MYCBP2: variants seen among roughly 807,000 people sequenced by gnomAD.
The protein encoded by MYCBP2 is E3 ubiquitin-protein ligase MYCBP2.
A neutral mutation model predicts 525.3 loss-of-function variants in MYCBP2; 120 were observed. The observed-to-expected ratio is 0.23, with a 90% confidence interval of 0.20 to 0.27. The LOEUF (loss-of-function observed/expected upper bound fraction) is 0.27, where lower values mean the gene tolerates loss of function less well. Among genes scored for constraint, MYCBP2 ranks in the 10% least tolerant of loss-of-function variants. MYCBP2 has a pLI of 1.00. For synonymous variants in MYCBP2, 1,894 were observed against 1,955.8 expected (o/e 0.97, Z 0.83); for missense variants, 4,149 against 5,657.1 (o/e 0.73, Z 8.55).
chr13:77,254,631 A>G (rs1286497994), intron 14 of MYCBP2, among the ~76,000 whole-genome samples: 2 of 151,826 alleles, frequency 1.3e-5, no homozygotes, highest in Admixed American at 6.6e-5. Flanking sequence ...TCTCTCTTCT[A>G]GCTATTTTGA....
At chr13:77,284,488 A>C (rs2076532130) in intron 3 of MYCBP2, among the ~76,000 whole-genome samples, 1 of 152,176 alleles carries the variant, frequency 6.6e-6, no homozygotes, top group Non-Finnish European at 1.5e-5. Context: ...ATGTCATGGA[A>C]ATGGCTGCCA....
In MYCBP2 at chr13:77,270,444, T is replaced by C; in HGVS notation, c.1040A>G (p.Lys347Arg). 1 of 1,613,824 alleles carries C rather than the reference T, an allele frequency of 6.2e-7. No individual in the cohort carries two copies. Among genetic ancestry groups the C allele is most frequent in the Non-Finnish European group, 8.5e-7 (1 of 1,179,842 alleles). ...IQDWFSNGIK[K>R]AALMHKWPLK... ...TGGCCACTTGTGCATTAAAGCTGCT[T>C]TCTTAATGCCATTACTAAACCAGTC... Residue 347 changes from lysine (K) to arginine (R), a missense_variant, in exon 6 of 83, where the codon AAA becomes AGA. Lys to Arg is a conservative substitution (Grantham distance 26, BLOSUM62 2). Around this residue, in one of 21 missense-constraint regions of MYCBP2, gnomAD observed 413 missense variants for 451.2 expected, o/e 0.92. Transcript: ENST00000544440.
chr13:77,106,312 C>A (rs964077397), intron 55 of MYCBP2, among the ~76,000 whole-genome samples: 2 of 152,080 alleles, frequency 1.3e-5, no homozygotes, highest in African/African-American at 4.8e-5. Context: ...GCATTAAATT[C>A]AGTTTGGTGT....
intron 3 of MYCBP2, among the ~76,000 whole-genome samples, chr13:77,284,484 T>C (rs2076531444): frequency 6.6e-6 from 1 of 152,216 alleles, no homozygotes; most frequent in Admixed American, 6.5e-5. Flanking sequence ...CTTCATGTCA[T>C]GGAAATGGCT....
intron 44 of MYCBP2, among the ~76,000 whole-genome samples, chr13:77,160,585 T>A (rs1273395659): frequency 1.3e-5 from 2 of 152,192 alleles, no homozygotes; most frequent in Non-Finnish European, 1.5e-5. Context: ...TGAACTTCAG[T>A]TATTATAATT....
chr13:77,185,199 T>A lies in MYCBP2; in HGVS notation c.4623A>T (p.Glu1541Asp). Residue 1541 changes from glutamate (E) to aspartate (D), a missense_variant, in exon 32 of 83, where the codon GAA (glutamate) becomes GAT (aspartate). Around this residue, in one of 21 missense-constraint regions of MYCBP2, gnomAD observed 292 missense variants for 330.5 expected, o/e 0.88. Transcript: ENST00000544440. ...AGCAGGCAGTGAAAGTATTATGACA[T>A]TCCTGAAGGACAGCTTCTAGAAGAC... ...PLSLLEAVLQECHNTFTACFH... is the reference protein window; with the variant it reads ...PLSLLEAVLQDCHNTFTACFH... 6.2e-7 allele frequency: 1 copy of A among 1,614,126 alleles called. No individual in the cohort carries two copies.
At chr13:77,295,473 T>C (rs1013112297) in intron 2 of MYCBP2, among the ~76,000 whole-genome samples, 3 of 152,204 alleles carry the variant, frequency 2.0e-5, no homozygotes, top group Admixed American at 6.5e-5. Context: ...TGTCTCAAGA[T>C]AGAGCCACCA....
intron 48 of MYCBP2, 97 bp from the exon 49 acceptor site, chr13:77,144,657 C>G (rs1187479421): frequency 1.2e-6 from 1 of 821,672 alleles, no homozygotes; most frequent in Non-Finnish European, 2.1e-6. Context: ...GTTTGCATAC[C>G]TCCTGGCAAT....
intron 46 of MYCBP2, among the ~76,000 whole-genome samples, chr13:77,154,319 T>C (rs192366174): frequency 6.9e-5 from 10 of 145,908 alleles, no homozygotes; most frequent in African/African-American, 1.0e-4. Flanking sequence ...CAAGGAAAGA[T>C]AGTAGGAGAA....
At chr13:77,206,245 T>C (rs1033713275) in intron 24 of MYCBP2, among the ~76,000 whole-genome samples, 2 of 151,708 alleles carry the variant, frequency 1.3e-5, no homozygotes, top group Non-Finnish European at 2.9e-5. Flanking sequence ...GAAGTTGATA[T>C]GCTGTGGAAA....
At chr13:77,241,111 A>AT (rs750658616) in intron 17 of MYCBP2, among the ~76,000 whole-genome samples, 3,221 of 150,244 alleles carry the variant, frequency 0.021, 64 homozygotes, top group Non-Finnish European at 0.032. Flanking sequence ...CTAGTGGAGG[A>AT]TTTTTTTTTT....
chr13:77,087,580 A>T lies in MYCBP2; in HGVS notation c.10779T>A (p.Ile3593=), dbSNP rs1484459457. The part of the protein sequence containing the change: ...NVIQTTSLHD[I]LWHFVASLTP... ...TCAGTGATGCCACAAAATGCCACAG[A>T]ATATCATGGAGAGAAGTGGTTTGGA... Residue 3593 remains isoleucine (I), a synonymous_variant, in exon 62 of 83, where the codon ATT becomes ATA. Transcript: ENST00000544440. 6.2e-7 allele frequency: 1 copy of T among 1,613,164 alleles called. No homozygotes were observed. The highest frequency in any genetic ancestry group is 8.5e-7 in the Non-Finnish European group (1 of 1,179,594).
Position 77,083,277 on chromosome 13 carries a change from A to G in MYCBP2, c.10876-85T>C, listed in dbSNP as rs889425676. On this transcript the variant is annotated intron_variant, in intron 62 of 82. Transcript: ENST00000544440. ...AAAGACTATTATGTATACTTAAAAA[A>G]TGGTCATGTAACAGAAATACAAACA... is the stretch of plus-strand genomic sequence containing the variant. 9 of 1,226,446 alleles carry G rather than the reference A, an allele frequency of 7.3e-6. No individual in the cohort carries two copies. In the East Asian group the frequency reaches 1.4e-4, roughly 18 times the overall value. The allele number at this position is 1,226,446 out of a possible 1,614,324, so 76.0% of individuals were successfully genotyped here.
chr13:77,166,083 T>A (rs1447035217), intron 41 of MYCBP2, among the ~76,000 whole-genome samples: 1 of 152,170 alleles, frequency 6.6e-6, no homozygotes, highest in Non-Finnish European at 1.5e-5. Flanking sequence ...ACGTTAACAC[T>A]CTGCTTTGCT....
At chr13:77,178,100 TCA>T (rs1461773724) in intron 34 of MYCBP2, 146 bp from the exon 35 acceptor site, 1 of 616,416 alleles carries the variant, frequency 1.6e-6, no homozygotes, top group Non-Finnish European at 2.9e-6. Context: ...AGAGATTAAC[TCA>T]CAATAAAACC....
intron 15 of MYCBP2, among the ~76,000 whole-genome samples, chr13:77,247,496 C>T (rs1414942809): frequency 1.3e-5 from 2 of 152,204 alleles, no homozygotes; most frequent in African/African-American, 4.8e-5. Context: ...GATGTTCATA[C>T]TACCCAAAGC....
intron 12 of MYCBP2, 42 bp from the exon 13 acceptor site, chr13:77,260,634 AAAT>A (rs761735542): frequency 1.5e-4 from 220 of 1,423,834 alleles, no homozygotes; most frequent in East Asian, 2.6e-4. Flanking sequence ...CTCTATGTAC[AAAT>A]AATAATAATA....
At chr13:77,309,318 G>T (rs2079861871) in intron 1 of MYCBP2, among the ~76,000 whole-genome samples, 2 of 152,174 alleles carry the variant, frequency 1.3e-5, no homozygotes, top group Non-Finnish European at 2.9e-5. Context: ...GGCAGTTTGT[G>T]AGTGACAGTA....
chr13:77,051,894 A>C lies in MYCBP2; in HGVS notation c.13672T>G (p.Cys4558Gly). The C allele has an allele frequency of 6.2e-7, 1 of 1,614,164 alleles. No individual in the cohort carries two copies. The highest frequency in any genetic ancestry group is 8.5e-7 in the Non-Finnish European group (1 of 1,180,008). The stretch of plus-strand genomic sequence containing the variant: ...TCTCCCCGTCCAGCCTCAGCATCGC[A>C]GCGAGCTTCACCACCAAAATATGCC... ...RKAYFGGEAR[C>G]DAEAGRGDDY... The change falls in exon 81 of 83, where the codon TGC (cysteine) becomes GGC (glycine). Residue 4558 changes from cysteine to glycine, a missense_variant. This residue lies in a region of MYCBP2 where 24 missense variants were observed against 24.9 expected (regional missense o/e 0.96). Transcript: ENST00000544440.
Sources: gnomAD v4.1 joint callset for allele counts (sites outside exome capture counted in the v4.1 genomes callset) on GRCh38, gnomAD v4.1.1 for gene constraint, gnomAD v4.1.1 regional missense constraint, MANE v1.5 for transcripts, NCBI Gene and HGNC (gene_info 2026-07-23, HGNC 2026-07-21) for gene names.